Variants in RSPO3 observed in about 807,000 individuals in gnomAD.
The protein encoded by RSPO3 is R-spondin 3.
Under a neutral mutation model 36.5 loss-of-function variants are expected in RSPO3, and 17 were observed. That is an observed-to-expected ratio of 0.47 (90% CI 0.32 to 0.70). The LOEUF (loss-of-function observed/expected upper bound fraction) is 0.70, where lower values mean the gene tolerates loss of function less well. Ranked by LOEUF, RSPO3 falls within the 30% of genes least tolerant of loss-of-function variation. The pLI is 0.04. For missense variants in RSPO3, 294 were observed against 322.5 expected, an observed-to-expected ratio of 0.91 and a Z score of 0.68; for synonymous variants, 108 against 107.0, an observed-to-expected ratio of 1.01 and a Z score of -0.06.
intron 4 of RSPO3, among the ~76,000 whole-genome samples, chr6:127,173,208 AAACTT>A (rs1774977775): frequency 1.3e-5 from 2 of 152,030 alleles, no homozygotes; most frequent in South Asian, 4.1e-4. Context: ...TTCAAATAAC[AAACTT>A]AACTATAATA....
chr6:127,122,748 A>T lies in RSPO3; in HGVS notation c.97+3459A>T, dbSNP rs141739428. The stretch of plus-strand genomic sequence containing the variant: ...GTTCTCCTTGACTGGAAATTTTTGA[A>T]CTCATTATTTTATATAATGGTGATC... On this transcript the variant is annotated intron_variant, in intron 1 of 4. Coordinates refer to ENST00000356698, the MANE Select transcript of RSPO3 (RefSeq NM_032784.5). Among the ~76,000 whole-genome samples, 231 of 152,280 alleles carry T rather than the reference A, an allele frequency of 1.5e-3. 1 individual carries two copies. The highest frequency in any genetic ancestry group is 5.4e-3 in the African/African-American group (223 of 41,546).
chr6:127,146,567 A>T (rs1244389175), intron 1 of RSPO3, among the ~76,000 whole-genome samples: 2 of 152,150 alleles, frequency 1.3e-5, no homozygotes, highest in Non-Finnish European at 2.9e-5. Flanking sequence ...TATATTAATA[A>T]TTGATATATT....
At chr6:127,162,389 A>C (rs1270905750) in intron 4 of RSPO3, among the ~76,000 whole-genome samples, 1 of 152,160 alleles carries the variant, frequency 6.6e-6, no homozygotes, top group Non-Finnish European at 1.5e-5. Flanking sequence ...TTCACTTAAC[A>C]ATCTCTTATT....
chr6:127,141,390 G>A (rs1197411034), intron 1 of RSPO3, among the ~76,000 whole-genome samples: 2 of 151,936 alleles, frequency 1.3e-5, no homozygotes, highest in Non-Finnish European at 2.9e-5. Flanking sequence ...TAATATTTTG[G>A]GCTGACTTGA....
At chr6:127,174,228 T>C (rs1390107252) in intron 4 of RSPO3, among the ~76,000 whole-genome samples, 1 of 151,906 alleles carries the variant, frequency 6.6e-6, no homozygotes, top group African/African-American at 2.4e-5. Context: ...CACATGGATA[T>C]GTTTCCTTTA....
intron 1 of RSPO3, among the ~76,000 whole-genome samples, chr6:127,146,380 G>A (rs903883142): frequency 6.6e-6 from 1 of 152,094 alleles, no homozygotes; most frequent in African/African-American, 2.4e-5. Flanking sequence ...AGAGACAGAG[G>A]GAATCAAGCA....
chr6:127,195,747 A>G (rs1212552968), intron 4 of RSPO3, 76 bp from the exon 5 acceptor site: 5 of 988,984 alleles, frequency 5.1e-6, no homozygotes, highest in Non-Finnish European at 7.2e-6. Flanking sequence ...GAGAAATTTA[A>G]GTCATTTTTT....
chr6:127,124,959 G>A (rs1773911915), intron 1 of RSPO3, among the ~76,000 whole-genome samples: 1 of 151,956 alleles, frequency 6.6e-6, no homozygotes, highest in Admixed American at 6.6e-5. Context: ...TCAATAACAT[G>A]GATCTTTTAA....
chr6:127,191,638 C>G (rs1775411343), intron 4 of RSPO3, among the ~76,000 whole-genome samples: 1 of 152,148 alleles, frequency 6.6e-6, no homozygotes, highest in African/African-American at 2.4e-5. Context: ...ATTTTAGCTA[C>G]TCTTTCAAAA....
chr6:127,196,089 C>T lies in RSPO3; in HGVS notation c.*82C>T. 1 of 1,107,988 alleles carries T rather than the reference C, an allele frequency of 9.0e-7. No homozygotes were observed. Among genetic ancestry groups the T allele is most frequent in the Non-Finnish European group, 1.3e-6 (1 of 796,406 alleles). The allele number at this position is 1,107,988 out of a possible 1,614,324, so 68.6% of individuals were successfully genotyped here. ...GGACAGGTGCTCTAGCCATTAGGAC[C>T]ACAAATGGACATGTCAGTTATTGCT... On this transcript the variant is annotated 3_prime_UTR_variant, in exon 5 of 5. Transcript: ENST00000356698.
chr6:127,145,788 G>A (rs1774371677), intron 1 of RSPO3, among the ~76,000 whole-genome samples: 2 of 152,132 alleles, frequency 1.3e-5, no homozygotes, highest in African/African-American at 2.4e-5. Flanking sequence ...AATTCAAAAT[G>A]AAGTTAATAT....
At chr6:127,132,456 T>C (rs973242198) in intron 1 of RSPO3, among the ~76,000 whole-genome samples, 12 of 152,058 alleles carry the variant, frequency 7.9e-5, no homozygotes, top group Non-Finnish European at 1.3e-4. Context: ...AATGAGTTCA[T>C]TTAAATTGAA....
At chr6:127,157,777 C>G (rs1774623690) in intron 4 of RSPO3, among the ~76,000 whole-genome samples, 1 of 151,656 alleles carries the variant, frequency 6.6e-6, no homozygotes, top group South Asian at 2.1e-4. Flanking sequence ...TTGTCAAAAA[C>G]TTTTCTTAAG....
At chr6:127,184,959 TAC>T (rs1190474451) in intron 4 of RSPO3, among the ~76,000 whole-genome samples, 2 of 151,848 alleles carry the variant, frequency 1.3e-5, no homozygotes, top group Non-Finnish European at 2.9e-5. Flanking sequence ...CAAACATACA[TAC>T]ACATTTGTTC....
chr6:127,127,497 T>C (rs1355437091), intron 1 of RSPO3, among the ~76,000 whole-genome samples: 1 of 152,160 alleles, frequency 6.6e-6, no homozygotes, highest in Admixed American at 6.5e-5. Flanking sequence ...GTGAGTATTA[T>C]GATAATAGTT....
At position 127,160,874 on chromosome 6, in the gene RSPO3, T is replaced by A. The variant is rs181393295; in HGVS notation, c.634+5436T>A. Among the ~76,000 whole-genome samples the A allele has an allele frequency of 3.9e-4, 59 of 152,316 alleles. 2 individuals are homozygous for A. Among genetic ancestry groups the A allele is most frequent in the East Asian group, 3.7e-3 (19 of 5,186 alleles). ...CCTACCTCACTACTCATCTTTAAAG[T>A]CTCTCATAAAAACATGTTTGGTCTT... is the stretch of plus-strand genomic sequence containing the variant. On this transcript the variant is annotated intron_variant, in intron 4 of 4. Coordinates refer to ENST00000356698, the MANE Select transcript of RSPO3 (RefSeq NM_032784.5).
At chr6:127,132,192 A>G (rs944245768) in intron 1 of RSPO3, among the ~76,000 whole-genome samples, 2 of 152,090 alleles carry the variant, frequency 1.3e-5, no homozygotes, top group Non-Finnish European at 2.9e-5. Context: ...AAATGTTTAT[A>G]GAAATCTTTT....
chr6:127,137,631 T>C (rs1247528369), intron 1 of RSPO3, among the ~76,000 whole-genome samples: 4 of 152,192 alleles, frequency 2.6e-5, no homozygotes, highest in Non-Finnish European at 5.9e-5. Context: ...TTAAATTCCA[T>C]AGGTAAATTC....
At chr6:127,164,510 T>C (rs1774774963) in intron 4 of RSPO3, among the ~76,000 whole-genome samples, 1 of 152,122 alleles carries the variant, frequency 6.6e-6, no homozygotes, top group Non-Finnish European at 1.5e-5. Context: ...TAACTATTTT[T>C]TTCTAGTTTC....
Sources: gnomAD v4.1 joint callset for allele counts (sites outside exome capture counted in the v4.1 genomes callset) on GRCh38, gnomAD v4.1.1 for gene constraint, MANE v1.5 for transcripts, NCBI Gene and HGNC (gene_info 2026-07-23, HGNC 2026-07-21) for gene names.